CLEC16A: variants seen among roughly 807,000 people sequenced by gnomAD.
CLEC16A encodes protein CLEC16A.
Under a neutral mutation model 109.5 loss-of-function variants are expected in CLEC16A, and 51 were observed. That is an observed-to-expected ratio of 0.47 (90% CI 0.37 to 0.59). CLEC16A has a LOEUF of 0.59. CLEC16A is among the 20% of genes least tolerant of loss of function. The pLI is 0.00. For synonymous variants in CLEC16A, 673 were observed against 564.2 expected, an observed-to-expected ratio of 1.19 and a Z score of -2.73; for missense variants, 1,339 against 1,394.0, an observed-to-expected ratio of 0.96 and a Z score of 0.63.
chr16:11,055,840 C>T (rs528867912), intron 18 of CLEC16A, among the ~76,000 whole-genome samples: 20 of 152,112 alleles, frequency 1.3e-4, no homozygotes, highest in East Asian at 1.2e-3. Flanking sequence ...CCACCTGCCT[C>T]GGCCTCCCAT....
intron 19 of CLEC16A, among the ~76,000 whole-genome samples, chr16:11,077,252 C>T (rs2049427402): frequency 6.6e-6 from 1 of 151,700 alleles, no homozygotes. Flanking sequence ...AGCGGATTGC[C>T]TGAAGTCAGG....
chr16:11,012,544 G>T (rs1222313372), intron 11 of CLEC16A, among the ~76,000 whole-genome samples: 2 of 135,896 alleles, frequency 1.5e-5, no homozygotes, highest in Non-Finnish European at 3.0e-5. Context: ...GTGGTGAGCC[G>T]AGATCACGCC....
intron 19 of CLEC16A, among the ~76,000 whole-genome samples, chr16:11,117,280 T>TACTTAAAATAGGTAAACTGTAC (rs1481053490): frequency 5.9e-5 from 9 of 152,298 alleles, no homozygotes; most frequent in African/African-American, 1.9e-4. Flanking sequence ...GTAAACTGTA[T>TACTTAAAATAGGTAAACTGTAC]ACTTAAAATA....
chr16:11,120,558 C>A, intron 19 of CLEC16A, 57 bp from the exon 20 acceptor site: 1 of 1,535,520 alleles, frequency 6.5e-7, no homozygotes, highest in African/African-American at 1.4e-5. Flanking sequence ...TTTGGTGTCT[C>A]CATCACCCTG....
chr16:10,961,219 C>T lies in CLEC16A; in HGVS notation c.210-1236C>T, dbSNP rs1172094328. ...ATGACAGAAATACTCTGGAGGTCAA[C>T]ATGAATGGCATTTACAGGCAGATGG... On this transcript the variant is annotated intron_variant, in intron 2 of 23. Transcript: ENST00000409790. The surrounding 1 kb of genome is among the most constrained non-coding windows in gnomAD (Gnocchi z 4.3). Among the ~76,000 whole-genome samples the T allele has an allele frequency of 1.3e-5, 2 of 152,196 alleles. No homozygotes were observed. Among genetic ancestry groups the T allele is most frequent in the African/African-American group, 4.8e-5 (2 of 41,450 alleles).
intron 19 of CLEC16A, among the ~76,000 whole-genome samples, chr16:11,062,471 C>A (rs1219540343): frequency 6.6e-6 from 1 of 152,134 alleles, no homozygotes; most frequent in East Asian, 1.9e-4. Flanking sequence ...GATGGTCTTT[C>A]TTAAAATACA....
chr16:11,136,126 A>C (rs917455025), intron 22 of CLEC16A: 2 of 152,274 alleles, frequency 1.3e-5, no homozygotes, highest in African/African-American at 4.8e-5. Flanking sequence ...GCACAAGCCA[A>C]AGAGTATGGG....
rs757432790 is a variant in CLEC16A at position 11,057,031 on chromosome 16, C to A, written c.1996-3871C>A. 29 of 152,272 alleles carry A rather than the reference C, an allele frequency of 1.9e-4. 1 individual carries two copies. The highest frequency in any genetic ancestry group is 3.1e-4 in the Non-Finnish European group (21 of 68,038). 9.4% of individuals were successfully genotyped at this position (152,272 alleles called of 1,614,324 possible). A position where few individuals can be genotyped will look rare whatever the true frequency, so the allele number is the denominator to read the frequency against. Reference sequence around the variant, plus strand: ...TTATTTTCAACTAAACTATAATGAGCAGCTTCATGAATACAGTGTTTTTCT... The same window carrying A: ...TTATTTTCAACTAAACTATAATGAGAAGCTTCATGAATACAGTGTTTTTCT... On this transcript the variant is annotated intron_variant, in intron 18 of 23. Transcript: ENST00000409790.
At chr16:11,130,832 G>A (rs1441631011) in intron 22 of CLEC16A, among the ~76,000 whole-genome samples, 2 of 152,190 alleles carry the variant, frequency 1.3e-5, no homozygotes, top group Non-Finnish European at 2.9e-5. Flanking sequence ...GTTTTATTAG[G>A]ACACATCTTC....
chr16:11,092,833 G>A (rs768880202), intron 19 of CLEC16A, among the ~76,000 whole-genome samples: 2 of 152,164 alleles, frequency 1.3e-5, no homozygotes, highest in African/African-American at 2.4e-5. Context: ...TATAAAACAC[G>A]GTGGTCGTGA....
intron 23 of CLEC16A, among the ~76,000 whole-genome samples, chr16:11,171,480 A>G (rs950755056): frequency 3.9e-5 from 6 of 152,152 alleles, no homozygotes; most frequent in Non-Finnish European, 8.8e-5. Flanking sequence ...CTCTGTGGGG[A>G]GAGCCCGACA....
intron 1 of CLEC16A, among the ~76,000 whole-genome samples, chr16:10,950,852 A>G (rs915949504): frequency 3.3e-5 from 5 of 152,180 alleles, no homozygotes; most frequent in African/African-American, 1.2e-4. Flanking sequence ...CAGACCTCCT[A>G]TCATTCTGCT....
At chr16:11,065,422 A>G (rs774041252) in intron 19 of CLEC16A, among the ~76,000 whole-genome samples, 5 of 152,238 alleles carry the variant, frequency 3.3e-5, no homozygotes, top group East Asian at 3.8e-4. Flanking sequence ...TCTAAAATCA[A>G]TTCGTGAAGC....
intron 14 of CLEC16A, 162 bp downstream of exon 14, chr16:11,040,038 T>G (rs1330842943): frequency 2.5e-6 from 2 of 816,292 alleles, no homozygotes; most frequent in East Asian, 5.8e-5. Context: ...GGGCCAGCCC[T>G]CCTGCCTGCT....
intron 1 of CLEC16A, among the ~76,000 whole-genome samples, 200 bp from the exon 2 acceptor site, chr16:10,957,582 G>C (rs554206991): frequency 6.6e-5 from 10 of 152,242 alleles, no homozygotes; most frequent in Non-Finnish European, 1.3e-4. Context: ...CTGGGTTGGT[G>C]TGTCCTTGGT....
chr16:10,981,967 C>T (rs528221526), intron 9 of CLEC16A, among the ~76,000 whole-genome samples: 1 of 152,298 alleles, frequency 6.6e-6, no homozygotes, highest in African/African-American at 2.4e-5. Context: ...TCTGGGACAG[C>T]CTCCCTCCAT....
At chr16:10,950,708 A>C (rs1193676370) in intron 1 of CLEC16A, among the ~76,000 whole-genome samples, 1 of 152,220 alleles carries the variant, frequency 6.6e-6, no homozygotes, top group Non-Finnish European at 1.5e-5. Context: ...CACACTGGGG[A>C]ACGTCTGCAG....
At chr16:11,018,260 G>A (rs2045881563) in intron 11 of CLEC16A, among the ~76,000 whole-genome samples, 1 of 150,878 alleles carries the variant, frequency 6.6e-6, no homozygotes, top group Non-Finnish European at 1.5e-5. Context: ...TCTAGGCTGG[G>A]TGTCAGAGCA....
rs548585334 is a variant in CLEC16A at position 10,971,956 on chromosome 16, C to T, written c.599-598C>T. Reference sequence around the variant, plus strand: ...TTTCATGAGCCAAAATGTTATTACTCCCTAATGAGGGTGGGGGCTTCTCAG... The same window carrying T: ...TTTCATGAGCCAAAATGTTATTACTTCCTAATGAGGGTGGGGGCTTCTCAG... On this transcript the variant is annotated intron_variant, in intron 5 of 23. Transcript: ENST00000409790. Among the ~76,000 whole-genome samples the T allele has an allele frequency of 3.3e-5, 5 of 152,310 alleles. No individual in the cohort carries two copies. In the South Asian group the frequency reaches 1.0e-3, roughly 32 times the overall value.
Sources: allele counts gnomAD v4.1 joint callset (sites outside exome capture counted in the v4.1 genomes callset), GRCh38; gene constraint gnomAD v4.1.1; non-coding constraint Gnocchi (gnomAD v3.1); transcripts MANE v1.5; gene names NCBI Gene and HGNC (gene_info 2026-07-23, HGNC 2026-07-21).